TENM3: variants seen among roughly 807,000 people sequenced by gnomAD.
TENM3 encodes teneurin transmembrane protein 3.
TENM3 carries 63 observed loss-of-function variants against 255.1 expected under a neutral mutation model. That is an observed-to-expected ratio of 0.25 (90% CI 0.20 to 0.30). The LOEUF is 0.30. TENM3 is among the 10% of genes least tolerant of loss of function. The pLI is 1.00. For synonymous variants in TENM3, 1,306 were observed against 1,322.3 expected, an observed-to-expected ratio of 0.99 and a Z score of 0.27; for missense variants, 2,929 against 3,461.1, an observed-to-expected ratio of 0.85 and a Z score of 3.86.
chr4:181,654,052 C>G, the TENM3 span, among the ~76,000 whole-genome samples: 1 of 151,860 alleles, frequency 6.6e-6, no homozygotes, highest in Non-Finnish European at 1.5e-5. Context: ...CTTACACCTC[C>G]CTTACATCCT....
At chr4:181,919,387 G>GTGTGTGTT in the TENM3 span, among the ~76,000 whole-genome samples, 1 of 151,614 alleles carries the variant, frequency 6.6e-6, no homozygotes, top group African/African-American at 2.4e-5. Context: ...GTGTGTGTGT[G>GTGTGTGTT]TGTGTGTGTG....
intron 1 of TENM3, among the ~76,000 whole-genome samples, chr4:182,209,132 C>T (rs1169704578): frequency 6.6e-6 from 1 of 152,032 alleles, no homozygotes; most frequent in East Asian, 1.9e-4. Flanking sequence ...CATGCCCGGC[C>T]AATTTTTGTA....
intron 1 of TENM3, among the ~76,000 whole-genome samples, 159 bp downstream of exon 1, chr4:182,243,635 T>C (rs1757429291): frequency 6.6e-6 from 1 of 151,418 alleles, no homozygotes; most frequent in Non-Finnish European, 1.5e-5. Flanking sequence ...TAGTTGAAGA[T>C]GGAGAGGGCA....
At chr4:181,922,613 ATTC>A in the TENM3 span, among the ~76,000 whole-genome samples, 1 of 151,556 alleles carries the variant, frequency 6.6e-6, no homozygotes. Context: ...TATCTGTTTG[ATTC>A]TTCTCTCTTT....
intron 3 of TENM3, among the ~76,000 whole-genome samples, chr4:182,359,367 T>G (rs185644889): frequency 0.041 from 6,240 of 151,284 alleles, 407 homozygotes; most frequent in African/African-American, 0.14. Flanking sequence ...TTTTGGTTGG[T>G]AAGCTATTGA....
the TENM3 span, among the ~76,000 whole-genome samples, chr4:181,692,416 T>C: frequency 6.6e-6 from 1 of 152,196 alleles, no homozygotes; most frequent in Admixed American, 6.5e-5. Context: ...TTTTAAATTG[T>C]AGTCTAATGT....
intron 1 of TENM3, among the ~76,000 whole-genome samples, chr4:182,274,863 G>A (rs557117201): frequency 4.6e-5 from 7 of 152,026 alleles, no homozygotes; most frequent in South Asian, 2.1e-4. Context: ...TTGCTCTGTC[G>A]CCCAGGCTAG....
Position 182,773,624 on chromosome 4 carries a change from A to T in TENM3, c.5045A>T (p.Asp1682Val), listed in dbSNP as rs1764446408. Residue 1682 changes from aspartate to valine, a missense_variant, in exon 23 of 28, where the codon GAT becomes GTT. Around this residue, in one of 6 missense-constraint regions of TENM3, gnomAD observed 1,608 missense variants for 1,884.4 expected, o/e 0.85. Coordinates refer to ENST00000511685, the MANE Select transcript of TENM3 (RefSeq NM_001080477.4). ...ATCACTTCAAATCTGTCCTCGATCG[A>T]TTCTTTCTACACCATGGTTCAAGGT... is the stretch of plus-strand genomic sequence containing the variant. ...VSITSNLSSI[D>V]SFYTMVQDQL... The T allele has an allele frequency of 1.9e-6, 3 of 1,612,756 alleles. No homozygotes were observed. The South Asian group carries it at 3.3e-5, about 18-fold the overall frequency.
At chr4:181,725,618 T>C in the TENM3 span, among the ~76,000 whole-genome samples, 7 of 152,136 alleles carry the variant, frequency 4.6e-5, no homozygotes, top group Admixed American at 2.6e-4. Context: ...TTTTGTATTT[T>C]TTTTTAGTAG....
chr4:181,904,271 G>A, the TENM3 span, among the ~76,000 whole-genome samples: 9 of 151,942 alleles, frequency 5.9e-5, no homozygotes, highest in African/African-American at 1.9e-4. Flanking sequence ...TGACTCTCTC[G>A]TGCTTCTTCT....
At position 182,554,876 on chromosome 4, in the gene TENM3, C is replaced by CTT. The variant is rs1412636029; in HGVS notation, c.512-46036_512-46035dup. ...CTACTTCTGTCCGTTTCCTTTTAAG[C>CTT]TTTTTTTTTTTTTCCTTTCACATGA... is the stretch of plus-strand genomic sequence containing the variant. On this transcript the variant is annotated intron_variant, in intron 3 of 27. Coordinates refer to ENST00000511685, the MANE Select transcript of TENM3 (RefSeq NM_001080477.4). 2.1e-5 allele frequency among the ~76,000 whole-genome samples: 3 copies of CTT among 143,818 alleles called. 1 individual carries two copies. Among genetic ancestry groups the CTT allele is most frequent in the African/African-American group, 7.6e-5 (3 of 39,408 alleles). The allele number at this position is 143,818 out of a possible 152,430, so 94.4% of individuals were successfully genotyped here. A position where few individuals can be genotyped will look rare whatever the true frequency, so the allele number is the denominator to read the frequency against.
At chr4:182,643,461 T>C (rs976468324) in intron 5 of TENM3, among the ~76,000 whole-genome samples, 2 of 152,204 alleles carry the variant, frequency 1.3e-5, no homozygotes, top group Non-Finnish European at 2.9e-5. Flanking sequence ...AATATTTGTA[T>C]TTTAAAATAT....
chr4:182,525,619 A>C (rs1038712838), intron 3 of TENM3, among the ~76,000 whole-genome samples: 1 of 152,196 alleles, frequency 6.6e-6, no homozygotes, highest in East Asian at 1.9e-4. Context: ...GTGTATGTAC[A>C]CCCGTCCCTC....
the TENM3 span, among the ~76,000 whole-genome samples, chr4:182,008,763 A>G: frequency 3.3e-4 from 50 of 152,018 alleles, no homozygotes; most frequent in African/African-American, 1.2e-3. Flanking sequence ...TGCGCCCTTG[A>G]TGGAGAGATG....
intron 3 of TENM3, among the ~76,000 whole-genome samples, chr4:182,502,986 T>C (rs2151663936): frequency 6.6e-6 from 1 of 151,846 alleles, no homozygotes; most frequent in South Asian, 2.1e-4. Context: ...GAAACTGGTT[T>C]ATTTCTTCTT....
At chr4:181,796,682 A>G in the TENM3 span, among the ~76,000 whole-genome samples, 1 of 152,170 alleles carries the variant, frequency 6.6e-6, no homozygotes, top group Non-Finnish European at 1.5e-5. Flanking sequence ...GAGAGAGATG[A>G]TCACCTCTGA....
chr4:181,894,125 TG>T, the TENM3 span, among the ~76,000 whole-genome samples: 2 of 152,270 alleles, frequency 1.3e-5, no homozygotes, highest in East Asian at 3.9e-4. Context: ...GAGGTTCTCA[TG>T]TTTTTGGATA....
intron 4 of TENM3, among the ~76,000 whole-genome samples, chr4:182,608,762 G>A (rs1560996565): frequency 6.6e-6 from 1 of 152,106 alleles, no homozygotes; most frequent in Non-Finnish European, 1.5e-5. Context: ...ACTGCCTCCT[G>A]GGAGGTCCCC....
At chr4:182,247,492 A>G (rs1757733528) in intron 1 of TENM3, among the ~76,000 whole-genome samples, 1 of 152,212 alleles carries the variant, frequency 6.6e-6, no homozygotes. Context: ...TCATCCATCC[A>G]AAAATGGAAC....
Sources: allele counts gnomAD v4.1 joint callset (sites outside exome capture counted in the v4.1 genomes callset), GRCh38; gene constraint gnomAD v4.1.1; regional missense constraint gnomAD v4.1.1; transcripts MANE v1.5; gene names NCBI Gene and HGNC (gene_info 2026-07-23, HGNC 2026-07-21).